CA14: variants seen among roughly 807,000 people sequenced by gnomAD.
CA14 encodes the protein CA-XIV.
A neutral mutation model predicts 48.8 loss-of-function variants in CA14; 44 were observed. That is an observed-to-expected ratio of 0.90 (90% CI 0.71 to 1.16). The LOEUF (loss-of-function observed/expected upper bound fraction) is 1.16. Among genes scored for constraint, CA14 ranks in the 50% most tolerant of loss-of-function variants. The pLI, the probability that CA14 is intolerant of heterozygous loss-of-function variation, is 0.00. For synonymous variants in CA14, 154 were observed against 155.0 expected (o/e 0.99, Z 0.05); for missense variants, 386 against 401.0 (o/e 0.96, Z 0.32).
chr1:150,262,174 C>T lies in CA14; in HGVS notation c.273C>T (p.Pro91=), dbSNP rs781927173. ...NNGHTVQLSL[P]STLYLGGLPR... ...TCCTCACAGTGCAACTCTCTCTGCC[C>T]TCTACCCTGTATCTGGGTGGACTTC... Residue 91 remains proline, a synonymous_variant, in exon 4 of 11, where the codon CCC becomes CCT. Coordinates refer to ENST00000369111, the MANE Select transcript of CA14 (RefSeq NM_012113.3). 55 of 1,614,076 alleles carry T rather than the reference C, an allele frequency of 3.4e-5. No homozygotes were observed. The South Asian group carries it at 5.6e-4, about 16-fold the overall frequency.
chr1:150,262,991 G>A (rs782187217), intron 6 of CA14, 51 bp from the exon 7 acceptor site: 16 of 1,602,066 alleles, frequency 1.0e-5, no homozygotes, highest in Non-Finnish European at 1.7e-6. Flanking sequence ...CCCTATCTAG[G>A]TAAGCTAGGG....
At chr1:150,263,460 G>A (rs970071731) in intron 8 of CA14, 41 bp downstream of exon 8, 16 of 1,611,450 alleles carry the variant, frequency 9.9e-6, no homozygotes, top group Non-Finnish European at 1.4e-5. Flanking sequence ...AACTGAGGGG[G>A]ACACAATGGC....
chr1:150,262,191 G>C lies in CA14; in HGVS notation c.290G>C (p.Gly97Ala). The change falls in exon 4 of 11, where the codon GGT (glycine) becomes GCT (alanine). Residue 97 changes from glycine to alanine, a missense_variant. Transcript: ENST00000369111. ...TCTCTGCCCTCTACCCTGTATCTGG[G>C]TGGACTTCCCCGAAAATATGTAGCT... is the stretch of plus-strand genomic sequence containing the variant. ...QLSLPSTLYLGGLPRKYVAAQ... is the reference protein window; with the variant it reads ...QLSLPSTLYLAGLPRKYVAAQ... 6.2e-7 allele frequency: 1 copy of C among 1,614,170 alleles called. No individual in the cohort carries two copies. The highest frequency in any genetic ancestry group is 8.5e-7 in the Non-Finnish European group (1 of 1,180,026).
chr1:150,259,720 T>C (rs587656548), intron 1 of CA14, among the ~76,000 whole-genome samples: 12 of 152,094 alleles, frequency 7.9e-5, no homozygotes, highest in Admixed American at 6.5e-4. Context: ...ACACACACTC[T>C]AAACTCCTTT....
rs144899842 is a variant in CA14 at position 150,258,636 on chromosome 1, C to T, written c.55+453C>T. On this transcript the variant is annotated intron_variant, in intron 1 of 10. Transcript: ENST00000369111. ...CAGACCCTGATCTCCAATTCATCCC[C>T]TTTTGGCCAAGATTCCCTCTTCATT... Among the ~76,000 whole-genome samples the T allele has an allele frequency of 7.5e-3, 1,147 of 152,298 alleles. 18 individuals carry two copies. The highest frequency in any genetic ancestry group is 0.026 in the African/African-American group (1,090 of 41,552).
Position 150,264,701 on chromosome 1 carries a change from T to A in CA14, c.*42T>A, listed in dbSNP as rs782325435. 2 of 1,540,050 alleles carry A rather than the reference T, an allele frequency of 1.3e-6. No homozygotes were observed. The highest frequency in any genetic ancestry group is 1.8e-6 in the Non-Finnish European group (2 of 1,117,624). On this transcript the variant is annotated 3_prime_UTR_variant, in exon 11 of 11. Transcript: ENST00000369111. ...CATGGATGTGGATGACTTCCCTTCA[T>A]GCCTATCAGGAAGCCTCTAAAATGG...
chr1:150,260,625 G>T, intron 2 of CA14: 1 of 278,724 alleles, frequency 3.6e-6, no homozygotes, highest in Non-Finnish European at 7.1e-6. Flanking sequence ...ACTGATTAAT[G>T]ACTTAACCAA....
At chr1:150,260,019 G>T in intron 1 of CA14, 132 bp from the exon 2 acceptor site, 1 of 861,486 alleles carries the variant, frequency 1.2e-6, no homozygotes, top group Non-Finnish European at 1.9e-6. Context: ...TTTGCAAAGT[G>T]CTGGAGCAGA....
chr1:150,263,766 T>G, intron 9 of CA14, 28 bp from the exon 10 acceptor site: 3 of 1,612,734 alleles, frequency 1.9e-6, no homozygotes, highest in Non-Finnish European at 2.5e-6. Flanking sequence ...AGTCCTAGGC[T>G]GACACCTTTT....
Position 150,260,089 on chromosome 1 carries a change from G to A in CA14, c.56-62G>A, listed in dbSNP as rs1553847449. The stretch of plus-strand genomic sequence containing the variant: ...TACAGAATGCCAGAGGGAGGGGAGT[G>A]TGGAGGCCAGGGTTCTGCCCCAGGC... On this transcript the variant is annotated intron_variant, in intron 1 of 10. Coordinates refer to ENST00000369111, the MANE Select transcript of CA14 (RefSeq NM_012113.3). The A allele has an allele frequency of 3.2e-6, 5 of 1,561,098 alleles. No homozygotes were observed. The South Asian group carries it at 5.6e-5, about 17-fold the overall frequency.
Position 150,264,618 on chromosome 1 carries a change from A to T in CA14, c.973A>T (p.Ser325Cys), listed in dbSNP as rs782054869. ...IRKKRLENRK[S>C]VVFTSAQATT... is the part of the protein sequence containing the mutation. ...GAAGAAGAGGCTGGAAAACCGAAAG[A>T]GTGTGGTCTTCACCTCAGCACAAGC... The change falls in exon 11 of 11, where the codon AGT (serine) becomes TGT (cysteine). Residue 325 changes from serine to cysteine, a missense_variant. By Grantham distance (112) the Ser-to-Cys change is moderately radical. Coordinates refer to ENST00000369111, the MANE Select transcript of CA14 (RefSeq NM_012113.3). 200 of 1,612,464 alleles carry T rather than the reference A, an allele frequency of 1.2e-4. 3 individuals carry two copies. In the Middle Eastern group the frequency reaches 2.3e-3, roughly 19 times the overall value.
At chr1:150,258,401 G>A (rs1553847192) in intron 1 of CA14, among the ~76,000 whole-genome samples, 4 of 152,124 alleles carry the variant, frequency 2.6e-5, no homozygotes, top group Admixed American at 6.5e-5. Flanking sequence ...GAGAACTAGC[G>A]GCAGGCAGGC....
rs200573842 is a variant in CA14, at chr1:150,262,926, TA to T, written c.562+60del. ...AGATTAGACTTTCAAAAACTATCCT[TA>T]AAAGCCTTGGGATGAAGCAATTACA... On this transcript the variant is annotated intron_variant, in intron 6 of 10. Transcript: ENST00000369111. 4.9e-3 allele frequency: 7,720 copies of T among 1,585,490 alleles called. 271 individuals carry two copies. In the African/African-American group the frequency reaches 0.077, roughly 16 times the overall value.
intron 3 of CA14, among the ~76,000 whole-genome samples, 154 bp downstream of exon 3, chr1:150,261,792 C>G (rs1255621313): frequency 6.6e-6 from 1 of 152,194 alleles, no homozygotes; most frequent in Non-Finnish European, 1.5e-5. Flanking sequence ...CATTACCCAT[C>G]TGACATAAAT....
intron 5 of CA14, 61 bp from the exon 6 acceptor site, chr1:150,262,743 A>G: frequency 7.0e-7 from 1 of 1,436,242 alleles, no homozygotes; most frequent in Non-Finnish European, 9.8e-7. Context: ...TATTCTGTAC[A>G]TAAATTTCTT....
Position 150,262,276 on chromosome 1 carries a change from C to G in CA14, c.375C>G (p.Ile125Met). The G allele has an allele frequency of 1.9e-6, 3 of 1,605,974 alleles. No individual in the cohort carries two copies. Among genetic ancestry groups the G allele is most frequent in the Non-Finnish European group, 2.6e-6 (3 of 1,176,384 alleles). The part of the protein sequence containing the change: ...KGSPGGSEHQ[I>M]NSEATFAELH... ...CCCCAGGGGGGTCAGAACACCAGAT[C>G]AACAGTGAAGCCACATTTGCAGAGG... The change falls in exon 4 of 11, where the codon ATC (isoleucine) becomes ATG (methionine). Residue 125 changes from isoleucine to methionine, a missense_variant. Coordinates refer to ENST00000369111, the MANE Select transcript of CA14 (RefSeq NM_012113.3).
rs1254372875 is a variant in CA14, at chr1:150,263,051, C to G, written c.572C>G (p.Thr191Ser). ...LHEVRHKDQK[T>S]SVPPFNLREL... ...AGTCTGTTCTCCCCAGATCAGAAGACCTCAGTGCCTCCCTTCAACCTAAGA... is the reference window on the plus strand; with the variant it reads ...AGTCTGTTCTCCCCAGATCAGAAGAGCTCAGTGCCTCCCTTCAACCTAAGA... The change falls in exon 7 of 11, where the codon ACC (threonine) becomes AGC (serine). Residue 191 changes from threonine to serine, a missense_variant. Transcript: ENST00000369111. 2.5e-6 allele frequency: 4 copies of G among 1,614,082 alleles called. No homozygotes were observed. Among genetic ancestry groups the G allele is most frequent in the East Asian group, 4.5e-5 (2 of 44,870 alleles).
Position 150,262,239 on chromosome 1 carries a change from G to A in CA14, c.338G>A (p.Gly113Asp). The A allele has an allele frequency of 6.2e-7, 1 of 1,613,444 alleles. No individual in the cohort carries two copies. The highest frequency in any genetic ancestry group is 8.5e-7 in the Non-Finnish European group (1 of 1,179,678). Reference sequence around the variant, plus strand: ...GCTGCCCAGCTCCACCTGCACTGGGGTCAGAAAGGATCCCCAGGGGGGTCA... The same window carrying A: ...GCTGCCCAGCTCCACCTGCACTGGGATCAGAAAGGATCCCCAGGGGGGTCA... ...YVAAQLHLHW[G>D]QKGSPGGSEH... The change falls in exon 4 of 11, where the codon GGT becomes GAT. Residue 113 changes from glycine (G) to aspartate (D), a missense_variant. Transcript: ENST00000369111.
rs587674595 is a variant in CA14 at position 150,261,465 on chromosome 1, A to G, written c.83A>G (p.His28Arg). 1.2e-6 allele frequency: 2 copies of G among 1,613,910 alleles called. No individual in the cohort carries two copies. The highest frequency in any genetic ancestry group is 2.7e-5 in the African/African-American group (2 of 75,044). ...GGQHWTYEGPHGQDHWPASYP... is the reference protein window; with the variant it reads ...GGQHWTYEGPRGQDHWPASYP... Reference sequence around the variant, plus strand: ...CTTTGGTAACCCCCACCAGGCCCACATGGTCAGGACCATTGGCCAGCCTCT... The same window carrying G: ...CTTTGGTAACCCCCACCAGGCCCACGTGGTCAGGACCATTGGCCAGCCTCT... Residue 28 changes from histidine (H) to arginine (R), a missense_variant, in exon 3 of 11, where the codon CAT (histidine) becomes CGT (arginine). Transcript: ENST00000369111.
Sources: allele counts gnomAD v4.1 joint callset (sites outside exome capture counted in the v4.1 genomes callset), GRCh38; gene constraint gnomAD v4.1.1; transcripts MANE v1.5; gene names NCBI Gene and HGNC (gene_info 2026-07-23, HGNC 2026-07-21).